Variants in TMEM108 observed in about 807,000 individuals in gnomAD.
TMEM108 encodes transmembrane protein 108.
TMEM108 carries 12 observed loss-of-function variants against 35.1 expected under a neutral mutation model. That is an observed-to-expected ratio of 0.34 (90% CI 0.22 to 0.55). The LOEUF (loss-of-function observed/expected upper bound fraction) is 0.55. Among genes scored for constraint, TMEM108 ranks in the 20% least tolerant of loss-of-function variants. TMEM108 has a pLI of 0.89. For synonymous variants in TMEM108, 287 were observed against 308.6 expected (o/e 0.93, Z 0.73); for missense variants, 680 against 753.3 (o/e 0.90, Z 1.14).
intron 2 of TMEM108, chr3:133,125,114 A>C (rs1156700987): frequency 6.6e-6 from 1 of 152,252 alleles, no homozygotes; most frequent in African/African-American, 2.4e-5. Flanking sequence ...GATTTAAAAT[A>C]GGGCAATTTA....
chr3:133,290,648 CAAA>C (rs986592910), intron 3 of TMEM108, among the ~76,000 whole-genome samples: 2 of 150,652 alleles, frequency 1.3e-5, no homozygotes, highest in Non-Finnish European at 3.0e-5. Flanking sequence ...AACAAATAAA[CAAA>C]AAAACCGATT....
intron 3 of TMEM108, among the ~76,000 whole-genome samples, chr3:133,266,805 G>T (rs1423544815): frequency 1.3e-5 from 2 of 151,782 alleles, no homozygotes; most frequent in East Asian, 3.9e-4. Flanking sequence ...GGGCGTGGTG[G>T]CTCATGCCTG....
intron 3 of TMEM108, among the ~76,000 whole-genome samples, chr3:133,369,841 G>C (rs192022654): frequency 1.8e-4 from 27 of 152,280 alleles, no homozygotes; most frequent in East Asian, 1.3e-3. Flanking sequence ...CTCACACCAG[G>C]GTGCTGGGAA....
chr3:133,356,670 A>G (rs1321516433), intron 3 of TMEM108, among the ~76,000 whole-genome samples: 1 of 152,164 alleles, frequency 6.6e-6, no homozygotes, highest in East Asian at 1.9e-4. Context: ...ATAAAACCAA[A>G]TACCTACAGC....
At chr3:133,176,683 T>C (rs923963541) in intron 2 of TMEM108, among the ~76,000 whole-genome samples, 47 of 151,748 alleles carry the variant, frequency 3.1e-4, no homozygotes, top group Non-Finnish European at 6.5e-4. Context: ...TAGAGGGAAA[T>C]GTATAGCACT....
At chr3:133,193,359 C>T (rs534814870) in intron 2 of TMEM108, among the ~76,000 whole-genome samples, 1 of 152,150 alleles carries the variant, frequency 6.6e-6, no homozygotes, top group East Asian at 1.9e-4. Context: ...TTATGAGGAG[C>T]CTGTGTGGTT....
intron 2 of TMEM108, among the ~76,000 whole-genome samples, chr3:133,214,106 A>G (rs1203066330): frequency 6.6e-6 from 1 of 152,170 alleles, no homozygotes; most frequent in Non-Finnish European, 1.5e-5. Flanking sequence ...ATAGTTGCTA[A>G]CTTGCACAGA....
intron 3 of TMEM108, among the ~76,000 whole-genome samples, chr3:133,369,452 T>C (rs909665583): frequency 6.6e-6 from 1 of 152,224 alleles, no homozygotes; most frequent in African/African-American, 2.4e-5. Flanking sequence ...TTGATTTTCA[T>C]TCAGCCTGCT....
chr3:133,080,721 G>A (rs995581593), intron 2 of TMEM108, among the ~76,000 whole-genome samples: 1 of 152,112 alleles, frequency 6.6e-6, no homozygotes, highest in Non-Finnish European at 1.5e-5. Context: ...GCTACATGCT[G>A]ATTGTAAAGT....
In TMEM108 at chr3:133,057,479, A is replaced by ATCTATATATATATATC. The variant is rs1559818486; in HGVS notation, c.-47+11460_-47+11461insCTATATATATATATCT. Among the ~76,000 whole-genome samples, 33 of 73,144 alleles carry ATCTATATATATATATC rather than the reference A, an allele frequency of 4.5e-4. 1 individual carries two copies. The highest frequency in any genetic ancestry group is 1.7e-3 in the African/African-American group (33 of 19,898). The allele number at this position is 73,144 out of a possible 152,430, so 48.0% of individuals were successfully genotyped here. A position where few individuals can be genotyped will look rare whatever the true frequency, so the allele number is the denominator to read the frequency against. ...TATATATATATATATATATATATAT[A>ATCTATATATATATATC]TATATATGTGGGTTTTCATGGAATT... On this transcript the variant is annotated intron_variant, in intron 2 of 5. Transcript: ENST00000321871.
At chr3:133,256,758 T>C (rs951834966) in intron 3 of TMEM108, among the ~76,000 whole-genome samples, 3 of 152,262 alleles carry the variant, frequency 2.0e-5, no homozygotes, top group African/African-American at 4.8e-5. Context: ...AAAATAGATA[T>C]AGAGAAATCT....
intron 2 of TMEM108, among the ~76,000 whole-genome samples, chr3:133,101,016 A>G (rs972990379): frequency 6.7e-6 from 1 of 150,038 alleles, no homozygotes; most frequent in Non-Finnish European, 1.5e-5. Context: ...TCACATACAC[A>G]TGTGAAATAT....
At chr3:133,255,229 G>A (rs1283074737) in intron 3 of TMEM108, among the ~76,000 whole-genome samples, 5 of 152,164 alleles carry the variant, frequency 3.3e-5, no homozygotes, top group Admixed American at 2.0e-4. Flanking sequence ...TGGAGCCAGA[G>A]TATTGTTGCA....
chr3:133,099,612 G>A (rs1410851181), intron 2 of TMEM108, among the ~76,000 whole-genome samples: 2 of 152,130 alleles, frequency 1.3e-5, no homozygotes, highest in Admixed American at 6.5e-5. Context: ...TGAGTGCTTT[G>A]CTGCTTAGAA....
chr3:133,307,871 A>C (rs1397571462), intron 3 of TMEM108, among the ~76,000 whole-genome samples: 2 of 152,054 alleles, frequency 1.3e-5, no homozygotes, highest in African/African-American at 2.4e-5. Flanking sequence ...ATGAACTTTA[A>C]AGTAGATTTT....
In TMEM108 at chr3:133,270,794, TACACAC is replaced by T. The variant is rs71624011; in HGVS notation, c.40+41464_40+41469del. Among the ~76,000 whole-genome samples, 602 of 148,590 alleles carry T rather than the reference TACACAC, an allele frequency of 4.1e-3. 6 individuals carry two copies. Among genetic ancestry groups the T allele is most frequent in the African/African-American group, 0.012 (469 of 40,104 alleles). ...TATAAGACTGCCTGTTCGAAGAATG[TACACAC>T]ACACACACACACACACACACTCACA... On this transcript the variant is annotated intron_variant, in intron 3 of 5. Coordinates refer to ENST00000321871, the MANE Select transcript of TMEM108 (RefSeq NM_023943.4).
At chr3:133,314,382 G>A (rs2071170876) in intron 3 of TMEM108, among the ~76,000 whole-genome samples, 1 of 152,180 alleles carries the variant, frequency 6.6e-6, no homozygotes, top group African/African-American at 2.4e-5. Context: ...CAAATAGAAG[G>A]ATCAGTTGCC....
intron 3 of TMEM108, among the ~76,000 whole-genome samples, chr3:133,273,759 G>A (rs1396232870): frequency 2.0e-5 from 3 of 152,166 alleles, no homozygotes; most frequent in Admixed American, 2.0e-4. Context: ...ACAAGTCATG[G>A]CAAACGGAAG....
At chr3:133,039,566 C>T (rs1943248782) in intron 1 of TMEM108, among the ~76,000 whole-genome samples, 1 of 152,176 alleles carries the variant, frequency 6.6e-6, no homozygotes, top group South Asian at 2.1e-4. Flanking sequence ...GTATTCCCTG[C>T]CTCTCCTCCA....
Sources: allele counts gnomAD v4.1 joint callset (sites outside exome capture counted in the v4.1 genomes callset), GRCh38; gene constraint gnomAD v4.1.1; transcripts MANE v1.5; gene names NCBI Gene and HGNC (gene_info 2026-07-23, HGNC 2026-07-21).